The following IFT140 variants were observed in gnomAD, a reference collection of about 807,000 sequenced individuals.
IFT140 encodes the protein intraflagellar transport protein 140 homolog.
A neutral mutation model predicts 164.6 loss-of-function variants in IFT140; 133 were observed. The ratio of observed to expected loss-of-function variants is 0.81; its 90% CI spans 0.70 to 0.93. The LOEUF is 0.93. Ranked by LOEUF, IFT140 falls within the 40% of genes least tolerant of loss-of-function variation. The pLI is 0.00. For synonymous variants in IFT140, 860 were observed against 817.3 expected (o/e 1.05, Z -0.89); for missense variants, 2,045 against 1,972.3 (o/e 1.04, Z -0.70).
rs2032667557 is a variant in IFT140 at position 1,551,849 on chromosome 16, T to C, written c.2399+6086A>G. Among the ~76,000 whole-genome samples, 1 of 152,196 alleles carries C rather than the reference T, an allele frequency of 6.6e-6. No homozygotes were observed. Among genetic ancestry groups the C allele is most frequent in the East Asian group, 1.9e-4 (1 of 5,186 alleles). ...TGCCCTGTGTTGCCTTAGAGTTTTC[T>C]TCCCGAGGTTTTCCTAGAAAGCCAC... On this transcript the variant is annotated intron_variant, in intron 19 of 30. Coordinates refer to ENST00000426508, the MANE Select transcript of IFT140 (RefSeq NM_014714.4). This position sits in a 1 kb window ranked among gnomAD's most constrained non-coding sequence, Gnocchi z 4.0.
At chr16:1,542,565 G>T in intron 19 of IFT140, among the ~76,000 whole-genome samples, 1 of 152,358 alleles carries the variant, frequency 6.6e-6, no homozygotes, top group Non-Finnish European at 1.5e-5. Flanking sequence ...CATGTGCTCT[G>T]TTATAAACGC....
chr16:1,592,585 C>T lies in IFT140; in HGVS notation c.373G>A (p.Gly125Ser). Residue 125 changes from glycine to serine, a missense_variant, in exon 5 of 31, where the codon GGT becomes AGT. Transcript: ENST00000426508. Reference protein sequence around the residue: ...GNCLLSGDRLGVLLLWRLDQR... With the variant: ...GNCLLSGDRLSVLLLWRLDQR... ...TCCAACCTCCACAAGAGCAAGACAC[C>T]AAGCTGGAAAGACCCAACACCACGT... 6.2e-7 allele frequency: 1 copy of T among 1,613,934 alleles called. No homozygotes were observed. The highest frequency in any genetic ancestry group is 8.5e-7 in the Non-Finnish European group (1 of 1,179,858).
chr16:1,598,129 T>C (rs1334838035), intron 4 of IFT140, among the ~76,000 whole-genome samples: 1 of 151,836 alleles, frequency 6.6e-6, no homozygotes, highest in African/African-American at 2.4e-5. Context: ...GGGAACAACC[T>C]GATAAAAAAA....
rs886051708 is a variant in IFT140 at position 1,511,056 on chromosome 16, C to T, written c.4277G>A (p.Gly1426Glu). Residue 1426 changes from glycine to glutamate, a missense_variant, in exon 31 of 31, where the codon GGG (glycine) becomes GAG (glutamate). By Grantham distance (98) the Gly-to-Glu change is moderately conservative. Coordinates refer to ENST00000426508, the MANE Select transcript of IFT140 (RefSeq NM_014714.4). ...SPQAVDAVHRGLGLPLPRTVP... is the reference protein window; with the variant it reads ...SPQAVDAVHRELGLPLPRTVP... ...GGTGCGTGGCAGTGGGAGACCCAGC[C>T]CCCGGTGCACGGCGTCCACGGCCTG... is the stretch of plus-strand genomic sequence containing the variant. 8.7e-6 allele frequency: 14 copies of T among 1,607,452 alleles called. No individual in the cohort carries two copies. The highest frequency in any genetic ancestry group is 1.1e-5 in the Non-Finnish European group (13 of 1,176,894).
intron 19 of IFT140, among the ~76,000 whole-genome samples, chr16:1,542,772 C>G (rs913334474): frequency 6.6e-6 from 1 of 152,240 alleles, no homozygotes; most frequent in Admixed American, 6.5e-5. Flanking sequence ...CCTGGCTTCC[C>G]CAAGCCGCCA....
chr16:1,571,393 G>GA lies in IFT140; in HGVS notation c.1652+13dup. 1.2e-6 allele frequency: 2 copies of GA among 1,607,414 alleles called. No homozygotes were observed. Among genetic ancestry groups the GA allele is most frequent in the Non-Finnish European group, 1.7e-6 (2 of 1,177,920 alleles). On this transcript the variant is annotated intron_variant, in intron 14 of 30. Coordinates refer to ENST00000426508, the MANE Select transcript of IFT140 (RefSeq NM_014714.4). ...AAAAAAATGTTCACACTTCTATTTG[G>GA]AAAAAAAATTTACCTTCGGGAAAGA...
intron 3 of IFT140, among the ~76,000 whole-genome samples, chr16:1,602,837 G>A (rs2035866804): frequency 6.6e-6 from 1 of 152,266 alleles, no homozygotes; most frequent in Non-Finnish European, 1.5e-5. Flanking sequence ...CTACTCGGGA[G>A]GCTAAGGCAG....
chr16:1,607,021 G>C, intron 3 of IFT140, 99 bp downstream of exon 3: 1 of 1,180,340 alleles, frequency 8.5e-7, no homozygotes, highest in African/African-American at 1.6e-5. Context: ...CACACCCATA[G>C]GCACACACAC....
intron 2 of IFT140, 53 bp from the exon 3 acceptor site, chr16:1,607,350 A>G (rs959053347): frequency 9.3e-6 from 13 of 1,399,482 alleles, no homozygotes; most frequent in African/African-American, 2.9e-5. Flanking sequence ...AAAACAAACA[A>G]TATGACTGTA....
intron 10 of IFT140, among the ~76,000 whole-genome samples, chr16:1,585,109 G>T (rs1162342224): frequency 6.6e-6 from 1 of 152,198 alleles, no homozygotes; most frequent in Non-Finnish European, 1.5e-5. Flanking sequence ...ATGCTGCAGA[G>T]AAATTAAAAC....
chr16:1,534,745 G>A (rs1172568102), intron 19 of IFT140, among the ~76,000 whole-genome samples: 1 of 150,850 alleles, frequency 6.6e-6, no homozygotes, highest in Non-Finnish European at 1.5e-5. Context: ...CCCTCTCCCT[G>A]GTGAGTGGTG....
At chr16:1,563,867 CCCTCCCGCCTTGG>C in intron 17 of IFT140, 117 bp downstream of exon 17, 1 of 908,066 alleles carries the variant, frequency 1.1e-6, no homozygotes, top group Non-Finnish European at 1.6e-6. Flanking sequence ...CTCAAGCGTT[CCCTCCCGCCTTGG>C]CCTCCCACAG....
At chr16:1,514,191 A>G (rs2040275512) in intron 30 of IFT140, 1 of 148,762 alleles carries the variant, frequency 6.7e-6, no homozygotes, top group Admixed American at 6.8e-5. Context: ...ACACGGTGAA[A>G]CCCCGTCTCT....
chr16:1,538,130 G>A (rs748896861), intron 19 of IFT140, among the ~76,000 whole-genome samples: 5 of 152,202 alleles, frequency 3.3e-5, no homozygotes, highest in Non-Finnish European at 7.3e-5. Flanking sequence ...AGGCGGGAGC[G>A]TGGCTCAGAC....
At chr16:1,549,719 AC>A (rs925494171) in intron 19 of IFT140, among the ~76,000 whole-genome samples, 50 of 152,180 alleles carry the variant, frequency 3.3e-4, no homozygotes, top group African/African-American at 1.2e-3. Context: ...GGCATGAGCC[AC>A]CACGCCTGGC....
intron 4 of IFT140, among the ~76,000 whole-genome samples, chr16:1,596,046 G>A (rs920658901): frequency 2.0e-5 from 3 of 152,112 alleles, no homozygotes; most frequent in Non-Finnish European, 2.9e-5. Context: ...ACAGAGTGAG[G>A]CTCCGTCTAA....
Position 1,603,708 on chromosome 16 carries a change from C to A in IFT140, c.148-1117G>T, listed in dbSNP as rs572340939. 3.9e-5 allele frequency among the ~76,000 whole-genome samples: 6 copies of A among 152,314 alleles called. No individual in the cohort carries two copies. The East Asian group carries it at 5.8e-4, about 15-fold the overall frequency. ...ATATTGGCCAGGCTGGTCTCAAACT[C>A]CTGACTTCATGATCTGCCCGCCTCG... On this transcript the variant is annotated intron_variant, in intron 3 of 30. Coordinates refer to ENST00000426508, the MANE Select transcript of IFT140 (RefSeq NM_014714.4).
intron 17 of IFT140, among the ~76,000 whole-genome samples, chr16:1,562,930 T>C (rs1242073349): frequency 6.6e-6 from 1 of 152,078 alleles, no homozygotes; most frequent in Non-Finnish European, 1.5e-5. Context: ...CGCCCATACC[T>C]GCAGCTGCTC....
intron 13 of IFT140, chr16:1,579,439 AG>A (rs1349666646): frequency 6.6e-6 from 1 of 152,262 alleles, no homozygotes; most frequent in Non-Finnish European, 1.5e-5. Context: ...GCAAGGTGGA[AG>A]AGCTGGAGGC....
Sources: gnomAD v4.1 joint callset for allele counts (sites outside exome capture counted in the v4.1 genomes callset) on GRCh38, gnomAD v4.1.1 for gene constraint, Gnocchi (gnomAD v3.1) non-coding constraint, MANE v1.5 for transcripts, NCBI Gene and HGNC (gene_info 2026-07-23, HGNC 2026-07-21) for gene names.